Variants in P2RY14 observed in about 807,000 individuals in gnomAD.
The protein encoded by P2RY14 is purinergic receptor P2Y14, also known as P2Y purinoceptor 14.
P2RY14 carries 2 observed loss-of-function variants against 0.9 expected under a neutral mutation model. That is an observed-to-expected ratio of 2.16 (90% confidence interval 0.88 to 6.79). The LOEUF (loss-of-function observed/expected upper bound fraction) is 6.79. P2RY14 is among the 30% of genes most tolerant of loss of function. P2RY14 has a pLI of 0.05. For synonymous variants in P2RY14, 158 were observed against 147.2 expected (o/e 1.07, Z -0.53); for missense variants, 378 against 400.1 (o/e 0.94, Z 0.47).
At chr3:151,252,162 G>A (rs1736986642) in intron 1 of P2RY14, among the ~76,000 whole-genome samples, 1 of 152,014 alleles carries the variant, frequency 6.6e-6, no homozygotes, top group Non-Finnish European at 1.5e-5. Context: ...TTACCAAAAA[G>A]TACTATTAAT....
chr3:151,245,247 G>C (rs1199597602), intron 1 of P2RY14, among the ~76,000 whole-genome samples: 1 of 152,090 alleles, frequency 6.6e-6, no homozygotes, highest in African/African-American at 2.4e-5. Context: ...GAAAAAGAGG[G>C]AATCCTCCCT....
chr3:151,269,530 A>G, intron 1 of P2RY14: 1 of 290,424 alleles, frequency 3.4e-6, no homozygotes, highest in Non-Finnish European at 6.7e-6. Flanking sequence ...TTTTTGGAAG[A>G]GGTCAAAATT....
At chr3:151,272,254 T>G (rs7653603) in intron 1 of P2RY14, among the ~76,000 whole-genome samples, 72,237 of 152,060 alleles carry the variant, frequency 0.48, 17,287 homozygotes, top group Middle Eastern at 0.66. Flanking sequence ...GACTTGGGGA[T>G]AAGATTTCTC....
At chr3:151,214,361 G>A in intron 2 of P2RY14, 21 bp from the exon 3 acceptor site, 1 of 1,523,196 alleles carries the variant, frequency 6.6e-7, no homozygotes, top group Non-Finnish European at 9.0e-7. Flanking sequence ...GTGTGAACTG[G>A]TCACTCATAG....
Position 151,260,181 on chromosome 3 carries a change from C to T in P2RY14, c.-133+18106G>A, listed in dbSNP as rs530369998. Among the ~76,000 whole-genome samples the T allele has an allele frequency of 1.8e-4, 27 of 152,112 alleles. No homozygotes were observed. The East Asian group carries it at 2.5e-3, about 14-fold the overall frequency. On this transcript the variant is annotated intron_variant, in intron 1 of 2. Coordinates refer to ENST00000309170, the MANE Select transcript of P2RY14 (RefSeq NM_014879.4). ...TGAGGGCTAGTAAACTTAATGGACA[C>T]GGTGTTTAAAAATAAAGAAAAGAGC...
chr3:151,236,406 T>C (rs2149352857), intron 1 of P2RY14, among the ~76,000 whole-genome samples: 1 of 152,330 alleles, frequency 6.6e-6, no homozygotes, highest in East Asian at 1.9e-4. Flanking sequence ...CAGGAAGCAT[T>C]CTTGTTATGC....
chr3:151,238,969 T>G (rs1407051318), intron 1 of P2RY14, among the ~76,000 whole-genome samples: 1 of 152,176 alleles, frequency 6.6e-6, no homozygotes, highest in Non-Finnish European at 1.5e-5. Context: ...TTCTCAAAAC[T>G]GAATGAACTG....
Position 151,214,197 on chromosome 3 carries a change from A to G in P2RY14, c.120T>C (p.Asn40=), listed in dbSNP as rs758345914. 8 of 1,614,112 alleles carry G rather than the reference A, an allele frequency of 5.0e-6. No homozygotes were observed. In the East Asian group the frequency reaches 1.3e-4, roughly 27 times the overall value. The change falls in exon 3 of 3, where the codon AAT becomes AAC. Residue 40 remains asparagine (N), a synonymous_variant. Transcript: ENST00000309170. ...CMVFIAGILL[N]GVSGWIFFYV... Reference sequence around the variant, plus strand: ...AAAAGAATATCCATCCTGACACTCCATTGAGTAGGATTCCTGCAATGAAGA... The same window carrying G: ...AAAAGAATATCCATCCTGACACTCCGTTGAGTAGGATTCCTGCAATGAAGA...
In P2RY14 at chr3:151,213,884, C is replaced by A; in HGVS notation, c.433G>T (p.Val145Leu). 4 of 1,614,002 alleles carry A rather than the reference C, an allele frequency of 2.5e-6. No homozygotes were observed. Among genetic ancestry groups the A allele is most frequent in the Non-Finnish European group, 3.4e-6 (4 of 1,179,854 alleles). ...GCAAGGAGGAGCATGAGCATCCATACTATCACTGACAGAAGTTTGCTGTAA... is the reference window on the plus strand; with the variant it reads ...GCAAGGAGGAGCATGAGCATCCATAATATCACTGACAGAAGTTTGCTGTAA... Reference protein sequence around the residue: ...VSYSKLLSVIVWMLMLLLAVP... With the variant: ...VSYSKLLSVILWMLMLLLAVP... The change falls in exon 3 of 3, where the codon GTA becomes TTA. Residue 145 changes from valine to leucine, a missense_variant. Coordinates refer to ENST00000309170, the MANE Select transcript of P2RY14 (RefSeq NM_014879.4).
chr3:151,214,996 T>C (rs779228605), intron 2 of P2RY14, among the ~76,000 whole-genome samples: 1 of 152,168 alleles, frequency 6.6e-6, no homozygotes, highest in Non-Finnish European at 1.5e-5. Context: ...ACCTTACTTT[T>C]AGAAAAGTGT....
chr3:151,218,616 C>A (rs1224647805), intron 2 of P2RY14, among the ~76,000 whole-genome samples: 1 of 151,894 alleles, frequency 6.6e-6, no homozygotes, highest in Admixed American at 6.6e-5. Flanking sequence ...AGCCTGTAAT[C>A]CCAGCACTTT....
rs543863647 is a variant in P2RY14 at position 151,226,313 on chromosome 3, A to C, written c.-132-6671T>G. ...GAACAGGCATCAAGACTGACACGAG[A>C]GGCTGTCACAGTGGGGGAAAATGGA... On this transcript the variant is annotated intron_variant, in intron 1 of 2. Transcript: ENST00000309170. Among the ~76,000 whole-genome samples the C allele has an allele frequency of 2.6e-5, 4 of 152,326 alleles. No homozygotes were observed. In the East Asian group the frequency reaches 7.7e-4, roughly 29 times the overall value.
chr3:151,253,999 G>GTTTTTTT (rs11453294), intron 1 of P2RY14, among the ~76,000 whole-genome samples: 5 of 136,896 alleles, frequency 3.7e-5, no homozygotes, highest in Non-Finnish European at 6.3e-5. Context: ...ATTTTTTCTT[G>GTTTTTTT]TTTTTTTTTT....
chr3:151,230,846 A>C lies in P2RY14; in HGVS notation c.-132-11204T>G, dbSNP rs111841927. 6.8e-3 allele frequency among the ~76,000 whole-genome samples: 1,038 copies of C among 152,352 alleles called. 7 individuals are homozygous for C. The highest frequency in any genetic ancestry group is 0.016 in the South Asian group (76 of 4,828). On this transcript the variant is annotated intron_variant, in intron 1 of 2. Transcript: ENST00000309170. ...GCAGAAGTAGTGACTTCCCACTGTC[A>C]GTGAGCTCATCTTGTTTGGAACTCT...
At chr3:151,250,517 T>C (rs901455880) in intron 1 of P2RY14, among the ~76,000 whole-genome samples, 2 of 152,212 alleles carry the variant, frequency 1.3e-5, no homozygotes, top group African/African-American at 2.4e-5. Context: ...AGAAGTGGAA[T>C]CATACAGTAT....
chr3:151,244,091 A>G lies in P2RY14; in HGVS notation c.-132-24449T>C, dbSNP rs1285744315. 1.6e-4 allele frequency among the ~76,000 whole-genome samples: 18 copies of G among 114,268 alleles called. 2 individuals carry two copies. Among genetic ancestry groups the G allele is most frequent in the African/African-American group, 3.9e-4 (14 of 35,500 alleles). The allele number at this position is 114,268 out of a possible 152,430, so 75.0% of individuals were successfully genotyped here. On this transcript the variant is annotated intron_variant, in intron 1 of 2. Transcript: ENST00000309170. Reference sequence around the variant, plus strand: ...ACTCTCCCAAATATATATGCACCCAATACAGGAGCACCAAGATTCATAAAG... The same window carrying G: ...ACTCTCCCAAATATATATGCACCCAGTACAGGAGCACCAAGATTCATAAAG...
At chr3:151,234,356 A>AAATTGTCTGTCT (rs1336096190) in intron 1 of P2RY14, among the ~76,000 whole-genome samples, 1 of 152,254 alleles carries the variant, frequency 6.6e-6, no homozygotes, top group African/African-American at 2.4e-5. Flanking sequence ...GAGCTTGAAT[A>AAATTGTCTGTCT]AATTGTCTGT....
At chr3:151,243,114 T>G (rs1036430589) in intron 1 of P2RY14, among the ~76,000 whole-genome samples, 5 of 151,902 alleles carry the variant, frequency 3.3e-5, no homozygotes, top group African/African-American at 9.7e-5. Flanking sequence ...TATGGGGCTG[T>G]GTGAAAAGAC....
At position 151,212,325 on chromosome 3, in the gene P2RY14, G is replaced by A. The variant is rs77264802; in HGVS notation, c.*975C>T. ...AGAAGTAAAATCCGTCTGTTTTCCA[G>A]AAAAATGTGATGTGTGAATTTTCAT... On this transcript the variant is annotated 3_prime_UTR_variant, in exon 3 of 3. Coordinates refer to ENST00000309170, the MANE Select transcript of P2RY14 (RefSeq NM_014879.4). 538 of 152,226 alleles carry A rather than the reference G, an allele frequency of 3.5e-3. 2 individuals are homozygous for A. The highest frequency in any genetic ancestry group is 0.012 in the African/African-American group (518 of 41,538). The allele number at this position is 152,226 out of a possible 1,614,324, so 9.4% of individuals were successfully genotyped here.
Sources: allele counts gnomAD v4.1 joint callset (sites outside exome capture counted in the v4.1 genomes callset), GRCh38; gene constraint gnomAD v4.1.1; transcripts MANE v1.5; gene names NCBI Gene and HGNC (gene_info 2026-07-23, HGNC 2026-07-21).